Variants in FBXO4 observed in about 807,000 individuals in gnomAD.
FBXO4 encodes F-box protein 4.
In FBXO4, 36 loss-of-function variants were observed where a neutral mutation model predicts 43.7. The ratio of observed to expected loss-of-function variants is 0.82; its 90% CI spans 0.63 to 1.09. FBXO4 has a LOEUF of 1.09. Among genes scored for constraint, FBXO4 ranks in the 50% least tolerant of loss-of-function variants. The pLI, the probability that FBXO4 is intolerant of heterozygous loss-of-function variation, is 0.00. For missense variants in FBXO4, 435 were observed against 474.1 expected (o/e 0.92, Z 0.77); for synonymous variants, 180 against 165.6 (o/e 1.09, Z -0.67).
the FBXO4 span, among the ~76,000 whole-genome samples, chr5:42,003,916 A>T: frequency 7.9e-5 from 12 of 152,128 alleles, no homozygotes; most frequent in African/African-American, 2.9e-4. Context: ...TTATAAAGAC[A>T]CATGTGCACG....
At chr5:42,013,639 C>T in the FBXO4 span, among the ~76,000 whole-genome samples, 91 of 152,322 alleles carry the variant, frequency 6.0e-4, 2 homozygotes, top group East Asian at 0.016. Flanking sequence ...TCATCCAATC[C>T]GGACAGATTC....
chr5:42,020,998 G>T, the FBXO4 span, among the ~76,000 whole-genome samples: 1 of 152,112 alleles, frequency 6.6e-6, no homozygotes, highest in East Asian at 1.9e-4. Flanking sequence ...GGTGCAAATA[G>T]AAGCATGACA....
the FBXO4 span, among the ~76,000 whole-genome samples, chr5:41,995,665 T>A: frequency 6.6e-6 from 1 of 152,156 alleles, no homozygotes; most frequent in Non-Finnish European, 1.5e-5. Context: ...TCTGCTGAGG[T>A]CACCCATTGA....
At chr5:41,973,007 C>G in the FBXO4 span, among the ~76,000 whole-genome samples, 1 of 152,124 alleles carries the variant, frequency 6.6e-6, no homozygotes, top group Non-Finnish European at 1.5e-5. Context: ...TGGTCATATG[C>G]CTTGGCAAAG....
chr5:41,980,666 A>G, the FBXO4 span, among the ~76,000 whole-genome samples: 1 of 152,056 alleles, frequency 6.6e-6, no homozygotes, highest in African/African-American at 2.4e-5. Context: ...TTTTTGCCAA[A>G]TGTATGCATC....
At chr5:41,934,406 G>C in intron 5 of FBXO4, 98 bp downstream of exon 5, 21 of 1,552,786 alleles carry the variant, frequency 1.4e-5, no homozygotes, top group Non-Finnish European at 1.8e-5. Context: ...AGAATATGAT[G>C]GCTTATTTTA....
the FBXO4 span, among the ~76,000 whole-genome samples, chr5:41,992,145 T>C: frequency 7.9e-5 from 12 of 152,318 alleles, no homozygotes; most frequent in African/African-American, 2.4e-4. Context: ...TGTCCTCCTA[T>C]ATAATAAATA....
At chr5:41,962,366 C>G in the FBXO4 span, among the ~76,000 whole-genome samples, 1 of 152,134 alleles carries the variant, frequency 6.6e-6, no homozygotes, top group Non-Finnish European at 1.5e-5. Flanking sequence ...CCTGCCTTAG[C>G]TTCCACCAAA....
At chr5:41,973,660 G>A in the FBXO4 span, among the ~76,000 whole-genome samples, 1 of 152,200 alleles carries the variant, frequency 6.6e-6, no homozygotes, top group Non-Finnish European at 1.5e-5. Context: ...CAGCCTGGGT[G>A]AGACAGCATC....
chr5:42,025,891 T>C, the FBXO4 span, among the ~76,000 whole-genome samples: 2 of 152,016 alleles, frequency 1.3e-5, no homozygotes, highest in African/African-American at 4.8e-5. Flanking sequence ...TTCTATTCCA[T>C]TGGCCTCTGT....
At position 41,925,336 on chromosome 5, in the gene FBXO4, A is replaced by T; in HGVS notation, c.27A>T (p.Gly9=). Residue 9 remains glycine (G), a synonymous_variant, in exon 1 of 7, where the codon GGA becomes GGT. Coordinates refer to ENST00000281623, the MANE Select transcript of FBXO4 (RefSeq NM_012176.3). MAGSEPRS[G]TNSPPPPFSD... ...TGGCGGGAAGCGAGCCGCGCAGCGG[A>T]ACAAACTCGCCGCCGCCGCCCTTCA... 7.3e-7 allele frequency: 1 copy of T among 1,363,130 alleles called. No homozygotes were observed. The highest frequency in any genetic ancestry group is 9.5e-7 in the Non-Finnish European group (1 of 1,054,072). The allele number at this position is 1,363,130 out of a possible 1,614,324, so 84.4% of individuals were successfully genotyped here. A position where few individuals can be genotyped will look rare whatever the true frequency, so the allele number is the denominator to read the frequency against.
the FBXO4 span, among the ~76,000 whole-genome samples, chr5:42,009,795 C>T: frequency 6.6e-6 from 1 of 152,112 alleles, no homozygotes; most frequent in South Asian, 2.1e-4. Context: ...TCATTTCAAC[C>T]ATTTCTAAGT....
chr5:41,934,441 T>A (rs1039622871), intron 5 of FBXO4, 133 bp downstream of exon 5: 2 of 1,499,098 alleles, frequency 1.3e-6, no homozygotes, highest in Non-Finnish European at 1.8e-6. Context: ...TGACCCTTAC[T>A]ATTAATAGTG....
chr5:41,977,732 C>G, the FBXO4 span, among the ~76,000 whole-genome samples: 1 of 152,338 alleles, frequency 6.6e-6, no homozygotes, highest in South Asian at 2.1e-4. Flanking sequence ...AACCACCATG[C>G]CTGGTCGCTG....
At chr5:42,019,030 T>C in the FBXO4 span, among the ~76,000 whole-genome samples, 2 of 152,192 alleles carry the variant, frequency 1.3e-5, no homozygotes, top group Non-Finnish European at 2.9e-5. Flanking sequence ...TATGTGGCTA[T>C]AGAGCACTTA....
chr5:42,022,564 G>T, the FBXO4 span, among the ~76,000 whole-genome samples: 2 of 151,898 alleles, frequency 1.3e-5, no homozygotes, highest in African/African-American at 4.8e-5. Context: ...TCTTTTTCAG[G>T]CTCACCATTG....
intron 3 of FBXO4, among the ~76,000 whole-genome samples, 197 bp from the exon 4 acceptor site, chr5:41,933,748 TC>T (rs1266916874): frequency 6.6e-6 from 1 of 152,216 alleles, no homozygotes; most frequent in Non-Finnish European, 1.5e-5. Flanking sequence ...TTTTTCTTTC[TC>T]TGTATTTTTA....
At chr5:41,986,288 C>T in the FBXO4 span, among the ~76,000 whole-genome samples, 1 of 151,852 alleles carries the variant, frequency 6.6e-6, no homozygotes, top group Admixed American at 6.6e-5. Flanking sequence ...CTGTTTGGCC[C>T]CATTTACCAA....
chr5:41,932,983 A>C (rs1751736525), intron 3 of FBXO4, among the ~76,000 whole-genome samples: 1 of 152,200 alleles, frequency 6.6e-6, no homozygotes. Flanking sequence ...AATATTTAGC[A>C]CTTGTGGTTT....
Sources: gnomAD v4.1 joint callset for allele counts (sites outside exome capture counted in the v4.1 genomes callset) on GRCh38, gnomAD v4.1.1 for gene constraint, MANE v1.5 for transcripts, NCBI Gene and HGNC (gene_info 2026-07-23, HGNC 2026-07-21) for gene names.